The following SDK1 variants were observed in gnomAD, a reference collection of about 807,000 sequenced individuals.
The protein encoded by SDK1 is protein sidekick-1.
SDK1 carries 157 observed loss-of-function variants against 245.5 expected under a neutral mutation model. The observed-to-expected ratio is 0.64, with a 90% confidence interval of 0.56 to 0.73. The LOEUF (loss-of-function observed/expected upper bound fraction) is 0.73. Among genes scored for constraint, SDK1 ranks in the 30% least tolerant of loss-of-function variants. The probability of loss-of-function intolerance (pLI) is 0.00; values close to 1 mark genes in which losing one functional copy is unlikely to be tolerated. For synonymous variants in SDK1, 1,647 were observed against 1,278.5 expected, an observed-to-expected ratio of 1.29 and a Z score of -6.15; for missense variants, 3,583 against 3,002.3, an observed-to-expected ratio of 1.19 and a Z score of -4.52.
chr7:3,881,425 A>G (rs989905691), intron 5 of SDK1, among the ~76,000 whole-genome samples: 2 of 152,174 alleles, frequency 1.3e-5, no homozygotes, highest in African/African-American at 2.4e-5. Context: ...CCTGCAAACG[A>G]CAAGATTTCA....
intron 38 of SDK1, among the ~76,000 whole-genome samples, chr7:4,211,412 G>A (rs1038187044): frequency 2.0e-5 from 3 of 152,046 alleles, no homozygotes; most frequent in Admixed American, 6.6e-5. Flanking sequence ...ACAGGAGAGC[G>A]GCGAGAAGGG....
chr7:3,983,885 A>G (rs1255742326), intron 13 of SDK1, among the ~76,000 whole-genome samples: 1 of 152,114 alleles, frequency 6.6e-6, no homozygotes, highest in Non-Finnish European at 1.5e-5. Flanking sequence ...ACTTCGGGGG[A>G]CAGTCGCAGA....
intron 9 of SDK1, among the ~76,000 whole-genome samples, chr7:3,966,601 A>C (rs779542940): frequency 4.6e-5 from 7 of 152,052 alleles, no homozygotes; most frequent in Non-Finnish European, 7.4e-5. Flanking sequence ...AAACCTGGTT[A>C]TTTTAACTCT....
chr7:3,339,254 C>T (rs1465960642), intron 1 of SDK1, among the ~76,000 whole-genome samples: 2 of 152,116 alleles, frequency 1.3e-5, no homozygotes, highest in African/African-American at 4.8e-5. Flanking sequence ...AATATGTACA[C>T]ACCAAACAGA....
intron 21 of SDK1, among the ~76,000 whole-genome samples, chr7:4,077,652 C>G (rs1780780654): frequency 6.6e-6 from 1 of 152,162 alleles, no homozygotes; most frequent in Admixed American, 6.5e-5. Flanking sequence ...CAAGGAGGAG[C>G]AAGTCATGTA....
chr7:3,984,410 C>G (rs1274153575), intron 13 of SDK1, among the ~76,000 whole-genome samples: 1 of 152,170 alleles, frequency 6.6e-6, no homozygotes, highest in African/African-American at 2.4e-5. Flanking sequence ...AAATCAAGTG[C>G]AAGAGGCCGC....
At chr7:3,778,206 TAAGA>T (rs1404047842) in intron 4 of SDK1, among the ~76,000 whole-genome samples, 2 of 152,290 alleles carry the variant, frequency 1.3e-5, no homozygotes, top group East Asian at 3.9e-4. Context: ...TTTTCCTTAT[TAAGA>T]AAGAAGTTTC....
intron 5 of SDK1, among the ~76,000 whole-genome samples, chr7:3,950,045 A>C (rs1051069695): frequency 1.3e-5 from 2 of 152,262 alleles, no homozygotes; most frequent in Non-Finnish European, 2.9e-5. Context: ...CTCAGTAAGC[A>C]AACTCTTAAA....
At chr7:3,573,852 G>C (rs1291667232) in intron 1 of SDK1, among the ~76,000 whole-genome samples, 1 of 151,774 alleles carries the variant, frequency 6.6e-6, no homozygotes, top group Non-Finnish European at 1.5e-5. Context: ...TCTCCTTCCA[G>C]TACTCATTAA....
intron 35 of SDK1, among the ~76,000 whole-genome samples, chr7:4,187,699 A>G (rs1782972030): frequency 6.6e-6 from 1 of 152,264 alleles, no homozygotes; most frequent in Non-Finnish European, 1.5e-5. Flanking sequence ...ACAGCAATTC[A>G]TGAATCAGGC....
rs1272487353 is a variant in SDK1, at chr7:4,079,459, C to G, written c.3203-4C>G. The G allele has an allele frequency of 1.2e-6, 2 of 1,614,214 alleles. No homozygotes were observed. The highest frequency in any genetic ancestry group is 2.7e-5 in the African/African-American group (2 of 75,066). On this transcript the variant is annotated splice_region_variant and splice_polypyrimidine_tract_variant and intron_variant, in intron 21 of 44. Transcript: ENST00000404826. The stretch of plus-strand genomic sequence containing the variant: ...TCTCCCTTTCCTCCCTGGTTCCTCT[C>G]TAGACCTTCCTGGTGCCCCATCCAA...
rs114662229 is a variant in SDK1, at chr7:3,784,774, C to T, written c.714-36676C>T. Among the ~76,000 whole-genome samples the T allele has an allele frequency of 2.9e-3, 440 of 152,276 alleles. 3 individuals are homozygous for T. Among genetic ancestry groups the T allele is most frequent in the African/African-American group, 0.01 (416 of 41,552 alleles). On this transcript the variant is annotated intron_variant, in intron 4 of 44. Coordinates refer to ENST00000404826, the MANE Select transcript of SDK1 (RefSeq NM_152744.4). ...TGGTGGAAATGTAAATTAGTGCAGC[C>T]ATTGTGGAAAACTATGTGGAGATTC...
intron 13 of SDK1, among the ~76,000 whole-genome samples, chr7:3,975,380 G>T (rs1360990709): frequency 6.6e-6 from 1 of 152,168 alleles, no homozygotes; most frequent in Admixed American, 6.5e-5. Flanking sequence ...CGTTTGACAT[G>T]CTGGGCCTTT....
At chr7:4,181,797 C>T (rs1460390082) in intron 35 of SDK1, among the ~76,000 whole-genome samples, 3 of 152,248 alleles carry the variant, frequency 2.0e-5, no homozygotes, top group African/African-American at 7.2e-5. Context: ...GCACTGCTCA[C>T]AGAGCTCGAA....
intron 9 of SDK1, among the ~76,000 whole-genome samples, chr7:3,964,330 G>A (rs894985933): frequency 6.6e-6 from 1 of 152,120 alleles, no homozygotes; most frequent in Non-Finnish European, 1.5e-5. Flanking sequence ...TCAGGGTAGC[G>A]TTGCCTCTTC....
At chr7:3,736,539 T>C (rs1255183023) in intron 4 of SDK1, among the ~76,000 whole-genome samples, 1 of 152,162 alleles carries the variant, frequency 6.6e-6, no homozygotes, top group Non-Finnish European at 1.5e-5. Context: ...CCCAAAGTGC[T>C]GGGATTACAG....
At chr7:3,467,150 G>T (rs895594231) in intron 1 of SDK1, among the ~76,000 whole-genome samples, 10 of 151,854 alleles carry the variant, frequency 6.6e-5, no homozygotes, top group African/African-American at 2.4e-4. Flanking sequence ...CTTTCTTCAT[G>T]GGGAAAGTAT....
intron 34 of SDK1, 152 bp from the exon 35 acceptor site, chr7:4,178,333 A>G: frequency 1.5e-6 from 1 of 678,150 alleles, no homozygotes; most frequent in Non-Finnish European, 2.6e-6. Context: ...TGCCCCGGTC[A>G]CAGTGGATGC....
chr7:3,962,565 A>T, intron 8 of SDK1, 92 bp from the exon 9 acceptor site: 1 of 1,117,472 alleles, frequency 8.9e-7, no homozygotes, highest in Non-Finnish European at 1.3e-6. Context: ...TGCCTATTAA[A>T]ATATTGGCAT....
Sources: allele counts gnomAD v4.1 joint callset (sites outside exome capture counted in the v4.1 genomes callset), GRCh38; gene constraint gnomAD v4.1.1; transcripts MANE v1.5; gene names NCBI Gene and HGNC (gene_info 2026-07-23, HGNC 2026-07-21).